Variants in RBPJ observed in about 807,000 individuals in gnomAD.
RBPJ encodes recombining binding protein suppressor of hairless.
Under a neutral mutation model 67.8 loss-of-function variants are expected in RBPJ, and 9 were observed. The ratio of observed to expected loss-of-function variants is 0.13; its 90% CI spans 0.08 to 0.23. The LOEUF is 0.23. RBPJ is among the 10% of genes least tolerant of loss of function. The probability of loss-of-function intolerance (pLI) is 1.00; values close to 1 mark genes in which losing one functional copy is unlikely to be tolerated. For synonymous variants in RBPJ, 198 were observed against 203.3 expected, an observed-to-expected ratio of 0.97 and a Z score of 0.22; for missense variants, 305 against 595.6, an observed-to-expected ratio of 0.51 and a Z score of 5.08.
chr4:26,120,796 C>A, the RBPJ span, among the ~76,000 whole-genome samples: 1 of 136,740 alleles, frequency 7.3e-6, no homozygotes, highest in Non-Finnish European at 1.5e-5. Context: ...GAGGCGTGGA[C>A]AGAATGAAGC....
chr4:26,249,869 T>G (rs1277009060), intron 1 of RBPJ, among the ~76,000 whole-genome samples: 1 of 141,728 alleles, frequency 7.1e-6, no homozygotes, highest in Non-Finnish European at 1.5e-5. Context: ...CACCACAACC[T>G]CTGCTTCCCA....
chr4:26,309,377 T>C (rs1211551723), intron 1 of RBPJ, among the ~76,000 whole-genome samples: 2 of 152,212 alleles, frequency 1.3e-5, no homozygotes, highest in Non-Finnish European at 2.9e-5. Context: ...GCAGTATTAT[T>C]AGTCCATCTA....
At position 26,403,190 on chromosome 4, in the gene RBPJ, G is replaced by C. The variant is rs993883909; in HGVS notation, c.60-2985G>C. Among the ~76,000 whole-genome samples the C allele has an allele frequency of 4.0e-5, 6 of 151,032 alleles. No homozygotes were observed. In the South Asian group the frequency reaches 1.3e-3, roughly 32 times the overall value. On this transcript the variant is annotated intron_variant, in intron 2 of 10. Coordinates refer to ENST00000355476, the MANE Select transcript of RBPJ (RefSeq NM_015874.6). ...TTGATTTTCTATAATGGGCTTGAGA[G>C]AAAATTGACTGGTGATCTTGTCCCA...
chr4:26,411,658 G>A (rs1460659223), intron 3 of RBPJ, among the ~76,000 whole-genome samples: 3 of 151,932 alleles, frequency 2.0e-5, no homozygotes, highest in Non-Finnish European at 4.4e-5. Context: ...GCACTTTCAA[G>A]ATAGAACCTT....
the RBPJ span, among the ~76,000 whole-genome samples, chr4:26,143,791 G>T: frequency 6.3e-3 from 956 of 152,250 alleles, 11 homozygotes; most frequent in African/African-American, 0.022. Flanking sequence ...AGCCGGGCAT[G>T]GTGACACACA....
At chr4:26,251,613 C>G (rs1480543594) in intron 1 of RBPJ, among the ~76,000 whole-genome samples, 4 of 128,530 alleles carry the variant, frequency 3.1e-5, no homozygotes, top group African/African-American at 1.2e-4. Flanking sequence ...ACATGAGCAA[C>G]AGAGTAAGAC....
intron 1 of RBPJ, among the ~76,000 whole-genome samples, chr4:26,241,908 A>G (rs112276231): frequency 0.011 from 1,613 of 152,318 alleles, 31 homozygotes; most frequent in African/African-American, 0.036. Context: ...GCAGTACTTC[A>G]TATGTTTCAC....
the RBPJ span, among the ~76,000 whole-genome samples, chr4:26,146,590 A>G: frequency 1.3e-5 from 2 of 152,222 alleles, no homozygotes; most frequent in African/African-American, 4.8e-5. Context: ...CATTAAGAAT[A>G]TGGAAAGACA....
the RBPJ span, among the ~76,000 whole-genome samples, chr4:26,134,281 G>A: frequency 6.6e-6 from 1 of 152,196 alleles, no homozygotes; most frequent in Non-Finnish European, 1.5e-5. Flanking sequence ...TCCTGGGCAA[G>A]TCTATCCTTT....
At chr4:26,338,128 G>A (rs1725071428) in intron 1 of RBPJ, among the ~76,000 whole-genome samples, 1 of 140,532 alleles carries the variant, frequency 7.1e-6, no homozygotes, top group African/African-American at 2.6e-5. Flanking sequence ...CTAACATTAT[G>A]GAAACATTCT....
At chr4:26,125,743 G>A in the RBPJ span, among the ~76,000 whole-genome samples, 1 of 151,594 alleles carries the variant, frequency 6.6e-6, no homozygotes, top group East Asian at 1.9e-4. Context: ...AGGTTGCAGT[G>A]AGCCAAGATG....
the RBPJ span, among the ~76,000 whole-genome samples, chr4:26,146,504 C>T: frequency 1.3e-5 from 2 of 152,162 alleles, no homozygotes; most frequent in African/African-American, 2.4e-5. Flanking sequence ...ATAGTTATGA[C>T]ACCCCAAGTG....
intron 1 of RBPJ, among the ~76,000 whole-genome samples, chr4:26,180,493 T>C (rs1437220729): frequency 6.6e-6 from 1 of 152,196 alleles, no homozygotes; most frequent in African/African-American, 2.4e-5. Flanking sequence ...GCAGATTCAG[T>C]GTCTGATGAG....
intron 1 of RBPJ, among the ~76,000 whole-genome samples, chr4:26,289,621 G>A (rs886681187): frequency 6.6e-6 from 1 of 150,484 alleles, no homozygotes; most frequent in Non-Finnish European, 1.5e-5. Flanking sequence ...GTTGTGTAGA[G>A]TTAATACCGC....
chr4:26,364,877 G>A (rs7693284), intron 1 of RBPJ, among the ~76,000 whole-genome samples: 7,118 of 151,508 alleles, frequency 0.047, 243 homozygotes, highest in East Asian at 0.072. Context: ...TCGGCCTCCC[G>A]AAGTGCTGGG....
chr4:26,200,404 C>T (rs1717940887), intron 1 of RBPJ, among the ~76,000 whole-genome samples: 1 of 152,198 alleles, frequency 6.6e-6, no homozygotes, highest in African/African-American at 2.4e-5. Context: ...TACGGTGGCC[C>T]ATGCCTGTTA....
At chr4:26,219,845 G>A (rs934295363) in intron 1 of RBPJ, among the ~76,000 whole-genome samples, 4 of 151,798 alleles carry the variant, frequency 2.6e-5, no homozygotes, top group Non-Finnish European at 4.4e-5. Context: ...GCACAATCTC[G>A]GCTCACTGCA....
At chr4:26,316,496 T>C (rs1333298518), upstream of RBPJ, among the ~76,000 whole-genome samples, 652 of 82,424 alleles carry the variant, frequency 7.9e-3, 3 homozygotes, top group African/African-American at 0.022. Flanking sequence ...TTCATATATA[T>C]ATTCATATAT....
chr4:26,208,077 A>C lies in RBPJ; in HGVS notation c.-167+44463A>C, dbSNP rs1718233377. On this transcript the variant is annotated intron_variant, in intron 1 of 4. Coordinates refer to the RBPJ transcript ENST00000512351. ...CAAGACCAAGAGTGACTTGCACAAG[A>C]TCTGGCAGGACTGGGCTTCAAGCGC... Among the ~76,000 whole-genome samples, 5 of 152,220 alleles carry C rather than the reference A, an allele frequency of 3.3e-5. No homozygotes were observed. In the South Asian group the frequency reaches 1.0e-3, roughly 31 times the overall value.
Sources: allele counts gnomAD v4.1 joint callset (sites outside exome capture counted in the v4.1 genomes callset), GRCh38; gene constraint gnomAD v4.1.1; transcripts MANE v1.5; gene names NCBI Gene and HGNC (gene_info 2026-07-23, HGNC 2026-07-21).